Variants in CCDC30 observed in about 807,000 individuals in gnomAD.
CCDC30 encodes coiled-coil domain-containing protein 30.
CCDC30 carries 70 observed loss-of-function variants against 100.2 expected under a neutral mutation model. That is an observed-to-expected ratio of 0.70 (90% confidence interval 0.58 to 0.85). CCDC30 has a LOEUF of 0.85. Ranked by LOEUF, CCDC30 falls within the 40% of genes least tolerant of loss-of-function variation. The probability of loss-of-function intolerance (pLI) is 0.00; values close to 1 mark genes in which losing one functional copy is unlikely to be tolerated. For synonymous variants in CCDC30, 233 were observed against 269.5 expected (o/e 0.86, Z 1.33); for missense variants, 652 against 771.2 (o/e 0.85, Z 1.83).
chr1:42,608,320 T>C (rs947305460), intron 10 of CCDC30, among the ~76,000 whole-genome samples: 1 of 152,210 alleles, frequency 6.6e-6, no homozygotes, highest in African/African-American at 2.4e-5. Context: ...ATCATTGTTT[T>C]TGTTTGTTTT....
At chr1:42,536,783 C>A (rs1311233117) in intron 6 of CCDC30, 182 bp downstream of exon 7, 1 of 529,478 alleles carries the variant, frequency 1.9e-6, no homozygotes, top group Admixed American at 3.4e-5. Context: ...GAGGGGAAGT[C>A]CAAGATCAAG....
At chr1:42,610,921 CT>C in intron 10 of CCDC30, 56 bp from the exon 15 acceptor site, 1 of 715,424 alleles carries the variant, frequency 1.4e-6, no homozygotes, top group Non-Finnish European at 2.3e-6. Flanking sequence ...CTTTGCATTT[CT>C]TCAACATCAT....
intron 12 of CCDC30, among the ~76,000 whole-genome samples, chr1:42,641,924 A>G (rs887229858): frequency 3.3e-5 from 5 of 151,566 alleles, no homozygotes; most frequent in Non-Finnish European, 5.9e-5. Flanking sequence ...GAAAAAGAAG[A>G]AAAAAAAATA....
At chr1:42,590,171 A>C (rs1646157258) in intron 10 of CCDC30, 1 of 152,180 alleles carries the variant, frequency 6.6e-6, no homozygotes, top group Non-Finnish European at 1.5e-5. Flanking sequence ...CATTTCACCT[A>C]CCACCATGAT....
intron 10 of CCDC30, among the ~76,000 whole-genome samples, chr1:42,607,655 GAA>G (rs112087404): frequency 6.8e-6 from 1 of 147,942 alleles, no homozygotes; most frequent in African/African-American, 2.5e-5. Context: ...CCTGTTCTGG[GAA>G]AAAAAAAAAT....
intron 7 of CCDC30, 133 bp from the exon 12 acceptor site, chr1:42,576,887 A>G (rs1316785189): frequency 3.1e-6 from 2 of 647,446 alleles, no homozygotes; most frequent in Non-Finnish European, 5.4e-6. Flanking sequence ...TGGCAGCTCT[A>G]AAGAGGTACT....
At chr1:42,538,013 T>A (rs943129732) in intron 6 of CCDC30, 2 of 149,304 alleles carry the variant, frequency 1.3e-5, no homozygotes, top group Admixed American at 1.4e-4. Context: ...TGTTTTCTCT[T>A]GTGGATATAT....
At chr1:42,545,229 C>T (rs1489330573) in intron 6 of CCDC30, among the ~76,000 whole-genome samples, 181 bp from the exon 9 acceptor site, 1 of 129,732 alleles carries the variant, frequency 7.7e-6, no homozygotes, top group Admixed American at 7.9e-5. Context: ...AAAAAAAAAT[C>T]GATTAAGTAA....
intron 1 of CCDC30, chr1:42,473,085 G>A (rs1557789810): frequency 2.5e-6 from 3 of 1,223,100 alleles, no homozygotes; most frequent in Middle Eastern, 3.1e-4. Flanking sequence ...GTGTGTGTGT[G>A]TGTGTTCATA....
At chr1:42,610,407 A>AT (rs66682084) in intron 10 of CCDC30, among the ~76,000 whole-genome samples, 38,687 of 151,704 alleles carry the variant, frequency 0.26, 5,373 homozygotes, top group Non-Finnish European at 0.29. Flanking sequence ...AAGCTGGGAG[A>AT]TTTTTTGTTT....
intron 6 of CCDC30, among the ~76,000 whole-genome samples, chr1:42,500,536 C>A (rs958225291): frequency 3.9e-5 from 6 of 152,014 alleles, no homozygotes; most frequent in Non-Finnish European, 8.8e-5. Context: ...GCCTCAGCTT[C>A]CCGAGTAGCT....
chr1:42,484,984 A>G (rs1477010965), intron 3 of CCDC30, among the ~76,000 whole-genome samples: 2 of 152,174 alleles, frequency 1.3e-5, no homozygotes, highest in African/African-American at 2.4e-5. Flanking sequence ...TAATAAAACA[A>G]TTTGAAATTT....
intron 6 of CCDC30, chr1:42,556,189 TC>T (rs1385565308): frequency 6.2e-7 from 1 of 1,613,562 alleles, no homozygotes; most frequent in Admixed American, 1.7e-5. Context: ...AGAAGGAAAT[TC>T]CAGAGGAGTC....
intron 14 of CCDC30, among the ~76,000 whole-genome samples, chr1:42,645,850 G>A (rs1647838586): frequency 6.6e-6 from 1 of 152,168 alleles, no homozygotes; most frequent in South Asian, 2.1e-4. Flanking sequence ...GGAATAAAAA[G>A]ATAGTCCCTG....
intron 3 of CCDC30, among the ~76,000 whole-genome samples, chr1:42,484,087 A>ATGATTAAACATTAAACAACAT (rs59033175): frequency 6.6e-6 from 1 of 151,994 alleles, no homozygotes; most frequent in Non-Finnish European, 1.5e-5. Context: ...TGTTAAATGT[A>ATGATTAAACATTAAACAACAT]TAAAACAATA....
chr1:42,460,238 A>T, upstream of CCDC30: 1 of 1,051,206 alleles, frequency 9.5e-7, no homozygotes, highest in African/African-American at 1.7e-5. Flanking sequence ...AGGATTATGG[A>T]TGCATGAATG....
intron 6 of CCDC30, among the ~76,000 whole-genome samples, chr1:42,541,583 G>A (rs191431121): frequency 9.9e-4 from 150 of 152,220 alleles, no homozygotes; most frequent in Non-Finnish European, 1.7e-3. Flanking sequence ...TATTAACTTG[G>A]ATCATTTGGT....
At chr1:42,496,884 T>C (rs1644240543) in intron 4 of CCDC30, among the ~76,000 whole-genome samples, 2 of 152,182 alleles carry the variant, frequency 1.3e-5, no homozygotes, top group South Asian at 4.1e-4. Context: ...AATATAAAAC[T>C]TTCTCTGTTA....
rs151066440 is a variant in CCDC30 at position 42,510,282 on chromosome 1, C to T, written c.456+11366C>T. 3.1e-3 allele frequency: 843 copies of T among 274,218 alleles called. 7 individuals are homozygous for T. Among genetic ancestry groups the T allele is most frequent in the African/African-American group, 0.019 (810 of 43,752 alleles). The allele number at this position is 274,218 out of a possible 1,614,324, so 17.0% of individuals were successfully genotyped here. A position where few individuals can be genotyped will look rare whatever the true frequency, so the allele number is the denominator to read the frequency against. ...CATCTCCAAATTTCTCTGCTGTCTG[C>T]GGAGCTGCCTGGTTTTCAACCTTGG... On this transcript the variant is annotated intron_variant, in intron 6 of 16. Coordinates refer to ENST00000668663, the Ensembl canonical transcript of CCDC30.
Sources: allele counts gnomAD v4.1 joint callset (sites outside exome capture counted in the v4.1 genomes callset), GRCh38; gene constraint gnomAD v4.1.1; transcripts MANE v1.5; gene names NCBI Gene and HGNC (gene_info 2026-07-23, HGNC 2026-07-21).